MRPS17: variants seen among roughly 807,000 people sequenced by gnomAD.
MRPS17 encodes small ribosomal subunit protein uS17m.
A neutral mutation model predicts 11.3 loss-of-function variants in MRPS17; 6 were observed. That is an observed-to-expected ratio of 0.53 (90% confidence interval 0.29 to 1.05). MRPS17 has a LOEUF of 1.05. Among genes scored for constraint, MRPS17 ranks in the 50% least tolerant of loss-of-function variants. The probability of loss-of-function intolerance (pLI) is 0.08; values close to 1 mark genes in which losing one functional copy is unlikely to be tolerated. For synonymous variants in MRPS17, 56 were observed against 60.4 expected, an observed-to-expected ratio of 0.93 and a Z score of 0.34; for missense variants, 139 against 153.6, an observed-to-expected ratio of 0.90 and a Z score of 0.50.
rs1433325439 is a variant in MRPS17 at position 55,953,151 on chromosome 7, A to G, written c.-17-28A>G. The G allele has an allele frequency of 1.9e-6, 3 of 1,612,944 alleles. No homozygotes were observed. The African/African-American group carries it at 4.0e-5, about 22-fold the overall frequency. ...TTCATGTGGCATCATAACCACCAGAATATGAGACTTTGGAATTTGCTTTTC... is the reference window on the plus strand; with the variant it reads ...TTCATGTGGCATCATAACCACCAGAGTATGAGACTTTGGAATTTGCTTTTC... On this transcript the variant is annotated intron_variant, in intron 1 of 2. Coordinates refer to ENST00000285298, the MANE Select transcript of MRPS17 (RefSeq NM_015969.3).
In MRPS17 at chr7:55,953,035, A is replaced by AC. The variant is rs1211166646; in HGVS notation, c.-17-144_-17-143insC. The AC allele has an allele frequency of 1.6e-4, 162 of 998,836 alleles. 2 individuals are homozygous for AC. The East Asian group carries it at 3.7e-3, about 23-fold the overall frequency. 61.9% of individuals were successfully genotyped at this position (998,836 alleles called of 1,614,324 possible). A position where few individuals can be genotyped will look rare whatever the true frequency, so the allele number is the denominator to read the frequency against. On this transcript the variant is annotated intron_variant, in intron 1 of 2. Transcript: ENST00000285298. ...CGACAGAGAGAGACTACATCTAAAA[A>AC]AAAACAAAACAAAACTGTTTCTGGG... is the stretch of plus-strand genomic sequence containing the variant.
Position 55,955,290 on chromosome 7 carries a change from TGA to T in MRPS17, c.*113_*114del. On this transcript the variant is annotated 3_prime_UTR_variant, in exon 3 of 3. Coordinates refer to ENST00000285298, the MANE Select transcript of MRPS17 (RefSeq NM_015969.3). ...GTGTCCAGTTTCTCTGTGGTGTTTA[TGA>T]AATAGCTAAAAGCAAATGAAGTAAA... The T allele has an allele frequency of 2.3e-6, 3 of 1,305,232 alleles. No individual in the cohort carries two copies. Among genetic ancestry groups the T allele is most frequent in the South Asian group, 3.0e-5 (2 of 66,896 alleles). 80.9% of individuals were successfully genotyped at this position (1,305,232 alleles called of 1,614,324 possible).
intron 2 of MRPS17, among the ~76,000 whole-genome samples, chr7:55,954,604 G>T (rs1584330253): frequency 6.6e-6 from 1 of 152,142 alleles, no homozygotes; most frequent in East Asian, 1.9e-4. Flanking sequence ...ATGGTGGCAG[G>T]CACCTGTAAT....
At position 55,954,949 on chromosome 7, in the gene MRPS17, T is replaced by G; in HGVS notation, c.164T>G (p.Leu55Arg). 2.5e-6 allele frequency: 4 copies of G among 1,614,220 alleles called. No individual in the cohort carries two copies. Among genetic ancestry groups the G allele is most frequent in the Non-Finnish European group, 3.4e-6 (4 of 1,180,038 alleles). Residue 55 changes from leucine to arginine, a missense_variant, in exon 3 of 3, where the codon CTT (leucine) becomes CGT (arginine). Physicochemically the swap from Leu to Arg is moderately radical, Grantham distance 102. Coordinates refer to ENST00000285298, the MANE Select transcript of MRPS17 (RefSeq NM_015969.3). ...KRKTYFAHDALQQCTVGDIVL... is the reference protein window; with the variant it reads ...KRKTYFAHDARQQCTVGDIVL... Reference sequence around the variant, plus strand: ...AAAACCTACTTTGCTCACGATGCCCTTCAGCAGTGCACAGTTGGGGATATT... The same window carrying G: ...AAAACCTACTTTGCTCACGATGCCCGTCAGCAGTGCACAGTTGGGGATATT...
chr7:55,952,684 G>A (rs1407359687), intron 1 of MRPS17, among the ~76,000 whole-genome samples: 4 of 146,182 alleles, frequency 2.7e-5, no homozygotes, highest in Admixed American at 6.9e-5. Context: ...GCAGTGAGCC[G>A]AGATCGCGCC....
chr7:55,954,201 G>A (rs1448011170), intron 2 of MRPS17, among the ~76,000 whole-genome samples: 1 of 152,122 alleles, frequency 6.6e-6, no homozygotes, highest in Non-Finnish European at 1.5e-5. Flanking sequence ...CCCAGGGGAC[G>A]GATAGGTGCC....
In MRPS17 at chr7:55,955,428, T is replaced by C. The variant is rs1431108182; in HGVS notation, c.*250T>C. On this transcript the variant is annotated 3_prime_UTR_variant, in exon 3 of 3. Transcript: ENST00000285298. ...GTGTGCCTAGCAGTCTGTTGCATTT[T>C]GTAAGCTCACAGTTTTTTGTTTTGA... is the stretch of plus-strand genomic sequence containing the variant. The C allele has an allele frequency of 3.3e-5, 15 of 449,164 alleles. No individual in the cohort carries two copies. Among genetic ancestry groups the C allele is most frequent in the Non-Finnish European group, 7.9e-6 (2 of 251,600 alleles). The allele number at this position is 449,164 out of a possible 1,614,324, so 27.8% of individuals were successfully genotyped here.
At position 55,955,160 on chromosome 7, in the gene MRPS17, T is replaced by G. The variant is rs748458041; in HGVS notation, c.375T>G (p.Asn125Lys). The G allele has an allele frequency of 5.0e-6, 8 of 1,614,022 alleles. 1 individual carries two copies. In the South Asian group the frequency reaches 8.8e-5, roughly 18 times the overall value. Residue 125 changes from asparagine (N) to lysine (K), a missense_variant, in exon 3 of 3, where the codon AAT (asparagine) becomes AAG (lysine). Transcript: ENST00000285298. ...TAAGCAAAAATCTGGAAGAACTCAA[T>G]ATCTCTTCAGCACAGTGAAGCGGGA... ...TQLSKNLEEL[N>K]ISSAQ
chr7:55,955,174 A>G lies in MRPS17; in HGVS notation c.389A>G (p.Gln130Arg). ...NLEELNISSA[Q>R] ...GAAGAACTCAATATCTCTTCAGCACAGTGAAGCGGGAGTGGAAGAAGGATC... is the reference window on the plus strand; with the variant it reads ...GAAGAACTCAATATCTCTTCAGCACGGTGAAGCGGGAGTGGAAGAAGGATC... The change falls in exon 3 of 3, where the codon CAG becomes CGG. Residue 130 changes from glutamine to arginine, a missense_variant. Coordinates refer to ENST00000285298, the MANE Select transcript of MRPS17 (RefSeq NM_015969.3). 4 of 1,611,164 alleles carry G rather than the reference A, an allele frequency of 2.5e-6. No individual in the cohort carries two copies. The highest frequency in any genetic ancestry group is 3.4e-6 in the Non-Finnish European group (4 of 1,178,078).
At chr7:55,953,877 T>C (rs1786687938) in intron 2 of MRPS17, among the ~76,000 whole-genome samples, 1 of 152,158 alleles carries the variant, frequency 6.6e-6, no homozygotes, top group Non-Finnish European at 1.5e-5. Flanking sequence ...CCGCTGCTGA[T>C]CTGACAGGAG....
intron 1 of MRPS17, chr7:55,952,289 C>T (rs1786647928): frequency 6.6e-6 from 1 of 152,282 alleles, no homozygotes; most frequent in South Asian, 2.1e-4. Context: ...ATTGAGCGTT[C>T]TGTGGGTCAA....
chr7:55,954,665 G>A (rs1245102789), intron 2 of MRPS17, among the ~76,000 whole-genome samples: 6 of 152,134 alleles, frequency 3.9e-5, no homozygotes, highest in African/African-American at 9.7e-5. Context: ...TCTGGGAGGC[G>A]GAGGTTGCAG....
intron 1 of MRPS17, 148 bp from the exon 2 acceptor site, chr7:55,953,030 TA>T (rs200206566): frequency 2.8e-4 from 255 of 897,112 alleles, no homozygotes; most frequent in Non-Finnish European, 3.4e-4. Flanking sequence ...AGACTACATC[TA>T]AAAAAAAACA....
chr7:55,953,420 T>G (rs1786678330), intron 2 of MRPS17, 102 bp downstream of exon 2: 1 of 1,507,744 alleles, frequency 6.6e-7, no homozygotes, highest in African/African-American at 1.4e-5. Context: ...GTCTTGTCTC[T>G]CATCTGCTTT....
In MRPS17 at chr7:55,956,199, C is replaced by A. The variant is rs901775437; in HGVS notation, c.*1021C>A. The A allele has an allele frequency of 6.6e-6, 1 of 151,858 alleles. No homozygotes were observed. Among genetic ancestry groups the A allele is most frequent in the Admixed American group, 6.6e-5 (1 of 15,230 alleles). 9.4% of individuals were successfully genotyped at this position (151,858 alleles called of 1,614,324 possible). On this transcript the variant is annotated 3_prime_UTR_variant, in exon 3 of 3. Transcript: ENST00000285298. The stretch of plus-strand genomic sequence containing the variant: ...GTGCAATGGCATGATCTCAGCCCAC[C>A]ACGACCTCCGCCTCCCAGGTTCAAG...
chr7:55,953,592 C>G (rs192706404), intron 2 of MRPS17, among the ~76,000 whole-genome samples: 3 of 152,246 alleles, frequency 2.0e-5, no homozygotes, highest in Non-Finnish European at 2.9e-5. Flanking sequence ...GAGGCCGATG[C>G]GGTTGGATCA....
At chr7:55,953,443 T>G in intron 2 of MRPS17, 125 bp downstream of exon 2, 3 of 1,381,718 alleles carry the variant, frequency 2.2e-6, no homozygotes, top group Non-Finnish European at 2.9e-6. Context: ...GCCAGGCATT[T>G]TGCTGGTCTG....
chr7:55,953,459 A>G, intron 2 of MRPS17, 141 bp downstream of exon 2: 1 of 1,180,476 alleles, frequency 8.5e-7, no homozygotes, highest in South Asian at 1.5e-5. Flanking sequence ...GTCTGTAGGT[A>G]TAACACGGTT....
Position 55,955,012 on chromosome 7 carries a change from A to G in MRPS17, c.227A>G (p.His76Arg). The G allele has an allele frequency of 1.9e-6, 3 of 1,614,180 alleles. No homozygotes were observed. Among genetic ancestry groups the G allele is most frequent in the Non-Finnish European group, 2.5e-6 (3 of 1,180,038 alleles). Residue 76 changes from histidine to arginine, a missense_variant, in exon 3 of 3, where the codon CAT (histidine) becomes CGT (arginine). Coordinates refer to ENST00000285298, the MANE Select transcript of MRPS17 (RefSeq NM_015969.3). ...LRALPVPRAK[H>R]VKHELAEIVF... ...GCTTTACCTGTTCCACGAGCAAAGC[A>G]TGTGAAACATGAACTGGCTGAGATC...
Sources: allele counts gnomAD v4.1 joint callset (sites outside exome capture counted in the v4.1 genomes callset), GRCh38; gene constraint gnomAD v4.1.1; transcripts MANE v1.5; gene names NCBI Gene and HGNC (gene_info 2026-07-23, HGNC 2026-07-21).